The following USP31 variants were observed in gnomAD, a reference collection of about 807,000 sequenced individuals.
USP31 encodes the protein ubiquitin carboxyl-terminal hydrolase 31.
A neutral mutation model predicts 119.4 loss-of-function variants in USP31; 44 were observed. The ratio of observed to expected loss-of-function variants is 0.37; its 90% CI spans 0.29 to 0.47. USP31 has a LOEUF of 0.47. Ranked by LOEUF, USP31 falls within the 20% of genes least tolerant of loss-of-function variation. The pLI is 0.99. For missense variants in USP31, 1,643 were observed against 1,730.2 expected, an observed-to-expected ratio of 0.95 and a Z score of 0.89; for synonymous variants, 749 against 705.6, an observed-to-expected ratio of 1.06 and a Z score of -0.97.
chr16:23,081,564 G>C (rs534008306), intron 12 of USP31, among the ~76,000 whole-genome samples: 1 of 152,000 alleles, frequency 6.6e-6, no homozygotes, highest in South Asian at 2.1e-4. Flanking sequence ...CTTCATTCTT[G>C]TAGCCTCTAA....
intron 11 of USP31, among the ~76,000 whole-genome samples, 154 bp downstream of exon 11, chr16:23,084,706 C>T (rs913080130): frequency 6.6e-6 from 1 of 152,166 alleles, no homozygotes; most frequent in African/African-American, 2.4e-5. Context: ...GTCCTAAAAG[C>T]AAGAGCATTA....
chr16:23,081,265 G>C (rs78687077), intron 12 of USP31, among the ~76,000 whole-genome samples: 9,533 of 152,240 alleles, frequency 0.063, 397 homozygotes, highest in Non-Finnish European at 0.08. Flanking sequence ...TCTGTGTCTG[G>C]GGAAGGAGAA....
intron 12 of USP31, 95 bp from the exon 13 acceptor site, chr16:23,080,266 G>A (rs1900759267): frequency 7.5e-6 from 8 of 1,067,768 alleles, no homozygotes; most frequent in East Asian, 5.1e-5. Flanking sequence ...CAGACAAAGC[G>A]GTGTGAGTTA....
intron 1 of USP31, among the ~76,000 whole-genome samples, chr16:23,142,414 CCA>C (rs1420287707): frequency 6.6e-6 from 1 of 152,198 alleles, no homozygotes; most frequent in African/African-American, 2.4e-5. Context: ...CAATTCAGCA[CCA>C]CAGTCTCAGA....
At chr16:23,136,748 A>G (rs1903205436) in intron 1 of USP31, among the ~76,000 whole-genome samples, 1 of 152,250 alleles carries the variant, frequency 6.6e-6, no homozygotes, top group Non-Finnish European at 1.5e-5. Context: ...ATATCTGATA[A>G]GAAATTAACA....
intron 6 of USP31, among the ~76,000 whole-genome samples, chr16:23,094,571 C>A (rs1901518009): frequency 1.3e-5 from 2 of 152,194 alleles, no homozygotes; most frequent in South Asian, 2.1e-4. Flanking sequence ...TCCCATGTAG[C>A]CTAACTGGGA....
rs766962076 is a variant in USP31, at chr16:23,090,652, G to A, written c.1387C>T (p.Arg463Ter). 6.2e-7 allele frequency: 1 copy of A among 1,613,326 alleles called. No homozygotes were observed. The highest frequency in any genetic ancestry group is 2.2e-5 in the East Asian group (1 of 44,864). Residue 463 changes from arginine (R) to a stop codon, truncating the protein, a stop_gained, in exon 7 of 16, where the codon CGA (arginine) becomes TGA (stop). Coordinates refer to ENST00000219689, the MANE Select transcript of USP31 (RefSeq NM_020718.4). LOFTEE classifies it high-confidence loss of function. ...TTCCCTTGTTGCCCAGTGCAGGCTC[G>A]GTTACACACCAACAGGACAATCTTG... The part of the protein sequence containing the change: ...SDKIVLLVCN[R>*]ACTGQQGKRF...
chr16:23,080,248 G>C, intron 12 of USP31, 77 bp from the exon 13 acceptor site: 3 of 1,266,998 alleles, frequency 2.4e-6, no homozygotes, highest in Non-Finnish European at 3.3e-6. Flanking sequence ...GGGGAATGTG[G>C]ATCCTATCAG....
chr16:23,084,285 C>A (rs1567229707), intron 11 of USP31, among the ~76,000 whole-genome samples: 1 of 152,158 alleles, frequency 6.6e-6, no homozygotes, highest in African/African-American at 2.4e-5. Flanking sequence ...CTCTGTCCAT[C>A]CATTCATTTA....
At position 23,149,018 on chromosome 16, in the gene USP31, G is replaced by A. The variant is rs776079396; in HGVS notation, c.253C>T (p.Pro85Ser). 3 of 1,159,800 alleles carry A rather than the reference G, an allele frequency of 2.6e-6. No homozygotes were observed. In the South Asian group the frequency reaches 8.1e-5, roughly 31 times the overall value. 71.8% of individuals were successfully genotyped at this position (1,159,800 alleles called of 1,614,324 possible). Residue 85 changes from proline (P) to serine (S), a missense_variant, in exon 1 of 16, where the codon CCA (proline) becomes TCA (serine). Physicochemically the swap from Pro to Ser is moderately conservative, Grantham distance 74. This residue lies in a region of USP31 where 302 missense variants were observed against 262.6 expected (regional missense o/e 1.15). Coordinates refer to ENST00000219689, the MANE Select transcript of USP31 (RefSeq NM_020718.4). The stretch of plus-strand genomic sequence containing the variant: ...CAGCTGCGGAGGCCGCCGCGGTCTG[G>A]GGCGGCGCCCTCAGAGCTAAGGTGC... ...LSHLSSEGAAPDRGGLRSCFP... is the reference protein window; with the variant it reads ...LSHLSSEGAASDRGGLRSCFP...
intron 5 of USP31, among the ~76,000 whole-genome samples, chr16:23,103,018 G>A (rs1901948349): frequency 6.6e-6 from 1 of 152,156 alleles, no homozygotes; most frequent in African/African-American, 2.4e-5. Context: ...TAGTGCAAGG[G>A]TTCCTACAAC....
chr16:23,138,666 A>G (rs1903263131), intron 1 of USP31, among the ~76,000 whole-genome samples: 1 of 152,010 alleles, frequency 6.6e-6, no homozygotes, highest in Admixed American at 6.6e-5. Flanking sequence ...TTCTGCTACA[A>G]CCACCCTAGA....
chr16:23,146,699 G>A (rs746189615), intron 1 of USP31, among the ~76,000 whole-genome samples: 5 of 152,092 alleles, frequency 3.3e-5, no homozygotes, highest in Non-Finnish European at 5.9e-5. Context: ...TATTAAACGG[G>A]GAGAGATGCA....
chr16:23,119,617 G>C (rs1485676468), intron 1 of USP31, among the ~76,000 whole-genome samples: 1 of 152,140 alleles, frequency 6.6e-6, no homozygotes, highest in Non-Finnish European at 1.5e-5. Context: ...GAATTTATCT[G>C]CTCTTAAATA....
chr16:23,106,501 A>C lies in USP31; in HGVS notation c.772-14T>G. On this transcript the variant is annotated splice_polypyrimidine_tract_variant and intron_variant, in intron 2 of 15. Transcript: ENST00000219689. ...CTCTGATGGTGGCTAAAAAAAAAAG[A>C]AAGTACAACTTCACAGACTAGAAAG... 1 of 1,594,874 alleles carries C rather than the reference A, an allele frequency of 6.3e-7. No homozygotes were observed. The highest frequency in any genetic ancestry group is 8.5e-7 in the Non-Finnish European group (1 of 1,171,840).
At position 23,067,401 on chromosome 16, in the gene USP31, A is replaced by G. The variant is rs993971886; in HGVS notation, c.*645T>C. 6.5e-6 allele frequency: 1 copy of G among 152,684 alleles called. No homozygotes were observed. Among genetic ancestry groups the G allele is most frequent in the Middle Eastern group, 3.2e-3 (1 of 316 alleles). The allele number at this position is 152,684 out of a possible 1,614,324, so 9.5% of individuals were successfully genotyped here. Reference sequence around the variant, plus strand: ...TCTGTGGCAGTAGGAGAAATGACACAGTCACCCACATGGCACCTTCCTCTT... The same window carrying G: ...TCTGTGGCAGTAGGAGAAATGACACGGTCACCCACATGGCACCTTCCTCTT... On this transcript the variant is annotated 3_prime_UTR_variant, in exon 16 of 16. Transcript: ENST00000219689.
chr16:23,082,297 CAA>C, intron 12 of USP31, 139 bp downstream of exon 12: 2 of 1,144,808 alleles, frequency 1.7e-6, no homozygotes, highest in Non-Finnish European at 2.4e-6. Flanking sequence ...AACACAGGGG[CAA>C]AAGTGTGTCT....
chr16:23,118,791 T>C (rs1379422949), intron 1 of USP31, among the ~76,000 whole-genome samples: 2 of 152,076 alleles, frequency 1.3e-5, no homozygotes, highest in Non-Finnish European at 2.9e-5. Context: ...GCTTATTGCT[T>C]ATAGATGTTA....
At chr16:23,112,635 T>C (rs1367665610) in intron 1 of USP31, among the ~76,000 whole-genome samples, 1 of 152,186 alleles carries the variant, frequency 6.6e-6, no homozygotes, top group Non-Finnish European at 1.5e-5. Context: ...TGGTTTGGCT[T>C]ATGGCCTTAT....
Sources: allele counts gnomAD v4.1 joint callset (sites outside exome capture counted in the v4.1 genomes callset), GRCh38; gene constraint gnomAD v4.1.1; regional missense constraint gnomAD v4.1.1; transcripts MANE v1.5; gene names NCBI Gene and HGNC (gene_info 2026-07-23, HGNC 2026-07-21).